Variants in THRB observed in about 807,000 individuals in gnomAD.
THRB encodes thyroid hormone receptor beta.
Under a neutral mutation model 47.8 loss-of-function variants are expected in THRB, and 12 were observed. The ratio of observed to expected loss-of-function variants is 0.25; its 90% CI spans 0.16 to 0.41. The LOEUF is 0.41. Among genes scored for constraint, THRB ranks in the 10% least tolerant of loss-of-function variants. The pLI is 1.00. For missense variants in THRB, 348 were observed against 589.2 expected (o/e 0.59, Z 4.24); for synonymous variants, 218 against 212.2 (o/e 1.03, Z -0.24).
At chr3:24,393,289 A>G (rs75647844) in intron 1 of THRB, among the ~76,000 whole-genome samples, 8,220 of 152,226 alleles carry the variant, frequency 0.054, 311 homozygotes, top group African/African-American at 0.1. Context: ...AATACCCACT[A>G]TCACTCAAAG....
intron 4 of THRB, 34 bp from the exon 5 acceptor site, chr3:24,190,368 T>C (rs1197785077): frequency 2.5e-6 from 4 of 1,613,778 alleles, no homozygotes; most frequent in Non-Finnish European, 3.4e-6. Context: ...TGACGAGCTG[T>C]TGGCATTGTC....
At chr3:24,479,240 A>C (rs1020937397) in intron 1 of THRB, among the ~76,000 whole-genome samples, 2 of 152,198 alleles carry the variant, frequency 1.3e-5, no homozygotes, top group African/African-American at 2.4e-5. Flanking sequence ...AGGCGGGGCT[A>C]GCAGTGAGCT....
intron 1 of THRB, among the ~76,000 whole-genome samples, chr3:24,454,351 C>T (rs2072964374): frequency 6.6e-6 from 1 of 151,958 alleles, no homozygotes; most frequent in Non-Finnish European, 1.5e-5. Flanking sequence ...AGTTGTTGCC[C>T]AGAGCTGGAG....
At chr3:24,447,696 T>C (rs1003164284) in intron 1 of THRB, among the ~76,000 whole-genome samples, 2 of 151,576 alleles carry the variant, frequency 1.3e-5, no homozygotes, top group African/African-American at 2.4e-5. Context: ...AAGGGGTGAG[T>C]AGACATTAGA....
At chr3:24,164,559 G>T (rs1037251588) in intron 5 of THRB, among the ~76,000 whole-genome samples, 3 of 152,064 alleles carry the variant, frequency 2.0e-5, no homozygotes, top group Admixed American at 6.5e-5. Context: ...TACTGTTAAA[G>T]AAATCACTAA....
intron 3 of THRB, among the ~76,000 whole-genome samples, chr3:24,236,286 A>G (rs1204485410): frequency 6.6e-6 from 1 of 152,144 alleles, no homozygotes; most frequent in African/African-American, 2.4e-5. Flanking sequence ...TCAGTTTAGT[A>G]GTTTGGGGAT....
chr3:24,446,407 G>A (rs1047970918), intron 1 of THRB, among the ~76,000 whole-genome samples: 1 of 151,960 alleles, frequency 6.6e-6, no homozygotes, highest in Non-Finnish European at 1.5e-5. Context: ...CTCAAAGTCT[G>A]GCCACAACAA....
chr3:24,169,557 C>T (rs1160778508), intron 5 of THRB, among the ~76,000 whole-genome samples: 5 of 151,800 alleles, frequency 3.3e-5, no homozygotes, highest in African/African-American at 1.2e-4. Context: ...ATTTGTAAAA[C>T]AGATAACGGT....
At chr3:24,389,198 A>G (rs1560080445) in intron 1 of THRB, among the ~76,000 whole-genome samples, 1 of 152,158 alleles carries the variant, frequency 6.6e-6, no homozygotes, top group African/African-American at 2.4e-5. Flanking sequence ...CCCCAGGGGT[A>G]GTAAGTAGCT....
At chr3:24,211,382 A>T (rs1259298696) in intron 4 of THRB, among the ~76,000 whole-genome samples, 1 of 152,224 alleles carries the variant, frequency 6.6e-6, no homozygotes, top group Non-Finnish European at 1.5e-5. Context: ...GAAACAGTAC[A>T]GGAAACTTCC....
At position 24,121,530 on chromosome 3, in the gene THRB, T is replaced by C. The variant is rs844107; in HGVS notation, c.*1354A>G. On this transcript the variant is annotated 3_prime_UTR_variant, in exon 11 of 11. Transcript: ENST00000646209. ...TGACGCTGAAGAGATGAAGTGTCAC[T>C]GTTTGTTTTCTGGGCACAAGCTATT... 0.45 allele frequency: 68,788 copies of C among 152,424 alleles called. 15,946 individuals carry two copies. The highest frequency in any genetic ancestry group is 0.63 in the East Asian group (3,256 of 5,168). 9.4% of individuals were successfully genotyped at this position (152,424 alleles called of 1,614,324 possible).
intron 2 of THRB, among the ~76,000 whole-genome samples, chr3:24,326,239 T>A (rs2061583731): frequency 6.6e-6 from 1 of 152,194 alleles, no homozygotes; most frequent in African/African-American, 2.4e-5. Flanking sequence ...CAACTTTCTT[T>A]TTATTTTATT....
intron 9 of THRB, among the ~76,000 whole-genome samples, chr3:24,131,639 G>A (rs555725420): frequency 4.2e-4 from 64 of 152,274 alleles, no homozygotes; most frequent in African/African-American, 1.5e-3. Flanking sequence ...TGAGAGTGGG[G>A]CCCTAATGAA....
chr3:24,299,074 C>T (rs546043776), intron 2 of THRB, among the ~76,000 whole-genome samples: 161 of 151,502 alleles, frequency 1.1e-3, no homozygotes, highest in Non-Finnish European at 1.9e-3. Flanking sequence ...AGTGAAACCC[C>T]GTCTCTACTA....
chr3:24,155,613 C>A (rs911154049), intron 5 of THRB, among the ~76,000 whole-genome samples: 5 of 152,172 alleles, frequency 3.3e-5, no homozygotes, highest in African/African-American at 7.2e-5. Context: ...AGAACTTAAC[C>A]ATTTCTTGCT....
At chr3:24,472,670 G>C (rs1279343073) in intron 1 of THRB, among the ~76,000 whole-genome samples, 2 of 152,204 alleles carry the variant, frequency 1.3e-5, no homozygotes, top group East Asian at 3.8e-4. Flanking sequence ...CTGAGGACCT[G>C]ATAGTCACTT....
intron 1 of THRB, among the ~76,000 whole-genome samples, chr3:24,427,873 C>A (rs914079347): frequency 1.1e-4 from 17 of 151,982 alleles, no homozygotes; most frequent in African/African-American, 3.9e-4. Flanking sequence ...TGATTCACTT[C>A]CTGAGGTTTT....
intron 1 of THRB, among the ~76,000 whole-genome samples, chr3:24,373,552 C>T (rs2065063984): frequency 6.6e-6 from 1 of 152,104 alleles, no homozygotes; most frequent in Non-Finnish European, 1.5e-5. Flanking sequence ...ATAGGCCACA[C>T]AGACCTCGAT....
chr3:24,129,751 C>T (rs2033517066), intron 9 of THRB, among the ~76,000 whole-genome samples: 1 of 139,228 alleles, frequency 7.2e-6, no homozygotes, highest in Non-Finnish European at 1.6e-5. Context: ...ACAGGTTCTT[C>T]CTGCTTCCTT....
Sources: allele counts gnomAD v4.1 joint callset (sites outside exome capture counted in the v4.1 genomes callset), GRCh38; gene constraint gnomAD v4.1.1; transcripts MANE v1.5; gene names NCBI Gene and HGNC (gene_info 2026-07-23, HGNC 2026-07-21).